Variants in PRPF38B observed in about 807,000 individuals in gnomAD.
PRPF38B encodes the protein pre-mRNA-splicing factor 38B.
In PRPF38B, 18 loss-of-function variants were observed where a neutral mutation model predicts 67.2. The ratio of observed to expected loss-of-function variants is 0.27; its 90% CI spans 0.19 to 0.40. PRPF38B has a LOEUF of 0.40. Among genes scored for constraint, PRPF38B ranks in the 10% least tolerant of loss-of-function variants. The pLI is 1.00. For synonymous variants in PRPF38B, 246 were observed against 234.2 expected, an observed-to-expected ratio of 1.05 and a Z score of -0.46; for missense variants, 544 against 684.9, an observed-to-expected ratio of 0.79 and a Z score of 2.30.
chr1:108,692,640 C>G lies in PRPF38B; in HGVS notation c.49C>G (p.Gln17Glu). ...GACAGGCAACTCGCAGCCGCAGCAC[C>G]AGGCGGCTGCAGCTGCGGCTCAGCA... is the stretch of plus-strand genomic sequence containing the variant. ...ALTGNSQPQH[Q>E]AAAAAAQQQQ... The change falls in exon 1 of 6, where the codon CAG becomes GAG. Residue 17 changes from glutamine (Q) to glutamate (E), a missense_variant. Gln to Glu is a conservative substitution (Grantham distance 29). Coordinates refer to ENST00000370025, the MANE Select transcript of PRPF38B (RefSeq NM_018061.4). The G allele has an allele frequency of 1.2e-6, 2 of 1,610,478 alleles. No individual in the cohort carries two copies. Among genetic ancestry groups the G allele is most frequent in the Non-Finnish European group, 1.7e-6 (2 of 1,178,790 alleles).
At chr1:108,692,895 G>A in intron 1 of PRPF38B, 28 bp downstream of exon 1, 1 of 1,593,158 alleles carries the variant, frequency 6.3e-7, no homozygotes, top group Non-Finnish European at 8.6e-7. Flanking sequence ...CTTGGCTTTG[G>A]GGGTAAGTTC....
At chr1:108,695,967 C>G in intron 2 of PRPF38B, 76 bp from the exon 3 acceptor site, 2 of 1,466,664 alleles carry the variant, frequency 1.4e-6, no homozygotes, top group Middle Eastern at 1.8e-4. Context: ...TTATTGATAC[C>G]TAACAGGATT....
At chr1:108,695,986 GGTGTTAA>G in intron 2 of PRPF38B, 50 bp from the exon 3 acceptor site, 1 of 1,532,306 alleles carries the variant, frequency 6.5e-7, no homozygotes, top group Non-Finnish European at 8.9e-7. Context: ...TTAATCAATT[GGTGTTAA>G]GAGTCCGTTA....
intron 4 of PRPF38B, chr1:108,697,538 C>CTTTTTTTTTTT (rs34770110): frequency 1.7e-4 from 25 of 146,084 alleles, no homozygotes; most frequent in African/African-American, 6.0e-4. Context: ...TTATTTTTCT[C>CTTTTTTTTTTT]TTTTTTTTTT....
rs993352937 is a variant in PRPF38B, at chr1:108,696,630, A to G, written c.558+293A>G. Reference sequence around the variant, plus strand: ...GTGTATTGTATTGATCCTGAATTGTATAGTTAATAGTGACTTTTCAAGATG... The same window carrying G: ...GTGTATTGTATTGATCCTGAATTGTGTAGTTAATAGTGACTTTTCAAGATG... On this transcript the variant is annotated intron_variant, in intron 4 of 5. Transcript: ENST00000370025. 7.4e-6 allele frequency: 5 copies of G among 677,082 alleles called. No individual in the cohort carries two copies. In the African/African-American group the frequency reaches 9.0e-5, roughly 12 times the overall value. The allele number at this position is 677,082 out of a possible 1,614,324, so 41.9% of individuals were successfully genotyped here.
chr1:108,697,127 C>T (rs1253395158), intron 4 of PRPF38B: 2 of 174,984 alleles, frequency 1.1e-5, no homozygotes, highest in Non-Finnish European at 2.4e-5. Context: ...ATCTTAGTCC[C>T]ACCTACTTGG....
Position 108,699,348 on chromosome 1 carries a change from G to A in PRPF38B, c.969G>A (p.Arg323=), listed in dbSNP as rs1405600798. ...KERRRSRSID[R]GLERRRSRSR... ...GGCGAAGATCCCGAAGTATTGACCG[G>A]GGGTTAGAACGCAGGCGCAGCAGAA... The change falls in exon 6 of 6, where the codon CGG becomes CGA. Residue 323 remains arginine, a synonymous_variant. Coordinates refer to ENST00000370025, the MANE Select transcript of PRPF38B (RefSeq NM_018061.4). The A allele has an allele frequency of 4.3e-6, 7 of 1,614,126 alleles. No homozygotes were observed. The highest frequency in any genetic ancestry group is 1.3e-5 in the African/African-American group (1 of 75,000).
At position 108,696,026 on chromosome 1, in the gene PRPF38B, A is replaced by T; in HGVS notation, c.346-17A>T. 6.2e-7 allele frequency: 1 copy of T among 1,605,380 alleles called. No individual in the cohort carries two copies. The highest frequency in any genetic ancestry group is 1.7e-5 in the Admixed American group (1 of 57,778). On this transcript the variant is annotated splice_polypyrimidine_tract_variant and intron_variant, in intron 2 of 5. Transcript: ENST00000370025. Reference sequence around the variant, plus strand: ...TTAATTATTTTACTACTTTTTCTTAACTCGTTTCCCCTAAAGGTTCGAGGT... The same window carrying T: ...TTAATTATTTTACTACTTTTTCTTATCTCGTTTCCCCTAAAGGTTCGAGGT...
At position 108,699,313 on chromosome 1, in the gene PRPF38B, G is replaced by C; in HGVS notation, c.934G>C (p.Glu312Gln). 1 of 1,614,148 alleles carries C rather than the reference G, an allele frequency of 6.2e-7. No individual in the cohort carries two copies. The highest frequency in any genetic ancestry group is 8.5e-7 in the Non-Finnish European group (1 of 1,180,020). The change falls in exon 6 of 6, where the codon GAG becomes CAG. Residue 312 changes from glutamate (E) to glutamine (Q), a missense_variant. This residue lies in a region of PRPF38B where 387 missense variants were observed against 386.1 expected (regional missense o/e 1.00). Transcript: ENST00000370025. ...ACTAGAGCGTGAAGCCAAAGAAAGG[G>C]AGAAAGAACGGCGAAGATCCCGAAG... ...QRLEREAKER[E>Q]KERRRSRSID... is the part of the protein sequence containing the mutation.
At position 108,698,777 on chromosome 1, in the gene PRPF38B, G is replaced by C. The variant is rs1264554571; in HGVS notation, c.732G>C (p.Gly244=). The C allele has an allele frequency of 6.2e-7, 1 of 1,613,928 alleles. No homozygotes were observed. The highest frequency in any genetic ancestry group is 8.5e-7 in the Non-Finnish European group (1 of 1,179,882). The part of the protein sequence containing the change: ...KTRPRKIKKD[G]KEGAEEIDRH... The stretch of plus-strand genomic sequence containing the variant: ...GACCTAGAAAAATCAAGAAAGATGG[G>C]AAGGAAGGTGCTGAGGAAATAGACA... The change falls in exon 5 of 6, where the codon GGG becomes GGC. Residue 244 remains glycine, a synonymous_variant. Coordinates refer to ENST00000370025, the MANE Select transcript of PRPF38B (RefSeq NM_018061.4).
intron 1 of PRPF38B, among the ~76,000 whole-genome samples, chr1:108,694,425 TAAAAA>T (rs902242960): frequency 6.6e-6 from 1 of 152,194 alleles, no homozygotes; most frequent in Admixed American, 6.5e-5. Flanking sequence ...TAAATTCCGT[TAAAAA>T]ACTAAAGACC....
At position 108,700,053 on chromosome 1, in the gene PRPF38B, C is replaced by T. The variant is rs777028805; in HGVS notation, c.*33C>T. On this transcript the variant is annotated 3_prime_UTR_variant, in exon 6 of 6. Coordinates refer to ENST00000370025, the MANE Select transcript of PRPF38B (RefSeq NM_018061.4). ...TTGTAAAAGTGGATCACATTGAATC[C>T]TATAAATGATTAAATCTGCTTTTTT... 1 of 1,546,766 alleles carries T rather than the reference C, an allele frequency of 6.5e-7. No homozygotes were observed. The highest frequency in any genetic ancestry group is 2.3e-5 in the East Asian group (1 of 44,272).
Position 108,696,299 on chromosome 1 carries a change from C to G in PRPF38B, c.520C>G (p.Leu174Val). ...YIRYTQPPTDLWDWFESFLDD... is the reference protein window; with the variant it reads ...YIRYTQPPTDVWDWFESFLDD... ...TAGATATACACAGCCCCCTACAGAT[C>G]TGTGGGACTGGTTTGAATCCTTCCT... The change falls in exon 4 of 6, where the codon CTG becomes GTG. Residue 174 changes from leucine to valine, a missense_variant. By Grantham distance (32) the Leu-to-Val change is conservative. This residue lies in a region of PRPF38B where 57 missense variants were observed against 122.7 expected (regional missense o/e 0.46). Coordinates refer to ENST00000370025, the MANE Select transcript of PRPF38B (RefSeq NM_018061.4). 1 of 1,612,894 alleles carries G rather than the reference C, an allele frequency of 6.2e-7. No individual in the cohort carries two copies. Among genetic ancestry groups the G allele is most frequent in the Non-Finnish European group, 8.5e-7 (1 of 1,179,276 alleles).
intron 2 of PRPF38B, 116 bp from the exon 3 acceptor site, chr1:108,695,927 T>TA: frequency 2.2e-6 from 3 of 1,369,898 alleles, no homozygotes; most frequent in Non-Finnish European, 3.0e-6. Context: ...TGTTACTTTT[T>TA]AATGCTCCTT....
intron 2 of PRPF38B, 68 bp from the exon 3 acceptor site, chr1:108,695,975 A>T: frequency 6.6e-7 from 1 of 1,507,898 alleles, no homozygotes. Flanking sequence ...ACCTAACAGG[A>T]TTAATCAATT....
At position 108,700,307 on chromosome 1, in the gene PRPF38B, C is replaced by T. The variant is rs1660346601; in HGVS notation, c.*287C>T. 3.3e-6 allele frequency: 1 copy of T among 306,070 alleles called. No individual in the cohort carries two copies. Among genetic ancestry groups the T allele is most frequent in the Non-Finnish European group, 5.6e-6 (1 of 179,322 alleles). The allele number at this position is 306,070 out of a possible 1,614,324, so 19.0% of individuals were successfully genotyped here. ...ATATGTCCTGAAAATGTTTTAATTCCTTTGGCATGGTTGCCATGTTGGTTA... is the reference window on the plus strand; with the variant it reads ...ATATGTCCTGAAAATGTTTTAATTCTTTTGGCATGGTTGCCATGTTGGTTA... On this transcript the variant is annotated 3_prime_UTR_variant, in exon 6 of 6. Coordinates refer to ENST00000370025, the MANE Select transcript of PRPF38B (RefSeq NM_018061.4).
chr1:108,700,516 T>C lies in PRPF38B; in HGVS notation c.*496T>C, dbSNP rs1660378542. The stretch of plus-strand genomic sequence containing the variant: ...CTGCCAATGTACAAGAAGGCAGCAT[T>C]GTAGGATTAACATTCTTGTCTACTG... On this transcript the variant is annotated 3_prime_UTR_variant, in exon 6 of 6. Transcript: ENST00000370025. The C allele has an allele frequency of 6.5e-6, 1 of 153,836 alleles. No individual in the cohort carries two copies. 9.5% of individuals were successfully genotyped at this position (153,836 alleles called of 1,614,324 possible).
At chr1:108,698,370 G>A (rs1311723073) in intron 4 of PRPF38B, 4 of 428,430 alleles carry the variant, frequency 9.3e-6, no homozygotes, top group Non-Finnish European at 1.7e-5. Flanking sequence ...ATTGTTAACT[G>A]AGTGAGATCA....
At chr1:108,695,599 T>G in intron 1 of PRPF38B, 103 bp from the exon 2 acceptor site, 3 of 1,116,502 alleles carry the variant, frequency 2.7e-6, no homozygotes, top group Non-Finnish European at 3.9e-6. Flanking sequence ...GCCAAAATAA[T>G]TTTGGAAGAG....
Sources: gnomAD v4.1 joint callset for allele counts (sites outside exome capture counted in the v4.1 genomes callset) on GRCh38, gnomAD v4.1.1 for gene constraint, gnomAD v4.1.1 regional missense constraint, MANE v1.5 for transcripts, NCBI Gene and HGNC (gene_info 2026-07-23, HGNC 2026-07-21) for gene names.